ZNF519: variants seen among roughly 807,000 people sequenced by gnomAD.
ZNF519 encodes similar to Zinc finger protein 85 (Zinc finger protein HPF4) (HTF1).
Under a neutral mutation model 7.4 loss-of-function variants are expected in ZNF519, and 7 were observed. The ratio of observed to expected loss-of-function variants is 0.94; its 90% CI spans 0.54 to 1.77. ZNF519 has a LOEUF of 1.77. Ranked by LOEUF, ZNF519 falls within the 40% of genes most tolerant of loss-of-function variation. ZNF519 has a pLI of 0.00. For synonymous variants in ZNF519, 179 were observed against 203.3 expected, an observed-to-expected ratio of 0.88 and a Z score of 1.02; for missense variants, 586 against 623.1, an observed-to-expected ratio of 0.94 and a Z score of 0.63.
intron 3 of ZNF519, chr18:14,082,961 C>G (rs1277427286): frequency 6.6e-6 from 1 of 152,440 alleles, no homozygotes; most frequent in Non-Finnish European, 1.5e-5. Context: ...CTGGGAGCCA[C>G]TGTGCCTGCC....
In ZNF519 at chr18:14,105,220, G is replaced by C. The variant is rs879120977; in HGVS notation, c.1320C>G (p.Ala440=). 1 of 1,566,096 alleles carries C rather than the reference G, an allele frequency of 6.4e-7. No homozygotes were observed. ...KHFKCKECGK[A]FNRGSHLTRH... Reference sequence around the variant, plus strand: ...GAGTAAGGTGTGAGCCCCTGTTAAAGGCTTTGCCACATTCTTTACATTTGA... The same window carrying C: ...GAGTAAGGTGTGAGCCCCTGTTAAACGCTTTGCCACATTCTTTACATTTGA... The change falls in exon 3 of 3, where the codon GCC becomes GCG. Residue 440 remains alanine, a synonymous_variant. Transcript: ENST00000590202.
rs902159642 is a variant in ZNF519 at position 14,102,360 on chromosome 18, G to C, written c.*2557C>G. 2.0e-5 allele frequency: 3 copies of C among 152,030 alleles called. No individual in the cohort carries two copies. Among genetic ancestry groups the C allele is most frequent in the South Asian group, 2.1e-4 (1 of 4,816 alleles). The allele number at this position is 152,030 out of a possible 1,614,324, so 9.4% of individuals were successfully genotyped here. ...TTTTTTGTATTTTTGGTAGAGAGAG[G>C]GTTTTACTAAGTTGGCTAGGCTAGT... On this transcript the variant is annotated 3_prime_UTR_variant, in exon 3 of 3. Coordinates refer to ENST00000590202, the MANE Select transcript of ZNF519 (RefSeq NM_145287.4).
At chr18:14,087,104 G>A (rs2046093961) in intron 2 of ZNF519, among the ~76,000 whole-genome samples, 1 of 152,130 alleles carries the variant, frequency 6.6e-6, no homozygotes, top group South Asian at 2.1e-4. Flanking sequence ...CAATAAAGGT[G>A]ATACATCAGA....
chr18:14,119,716 A>C (rs2046261528), intron 2 of ZNF519, among the ~76,000 whole-genome samples: 1 of 152,166 alleles, frequency 6.6e-6, no homozygotes, highest in Admixed American at 6.5e-5. Flanking sequence ...TCAGCCTCTG[A>C]AAGCACTGAG....
chr18:14,112,362 A>C (rs1212018835), intron 2 of ZNF519, among the ~76,000 whole-genome samples: 3 of 152,158 alleles, frequency 2.0e-5, no homozygotes, highest in African/African-American at 7.2e-5. Flanking sequence ...TATGATACTA[A>C]ATGGGGAAAA....
chr18:14,106,081 GAC>G lies in ZNF519; in HGVS notation c.457_458del (p.Val153LeufsTer3), dbSNP rs770915457. 9 of 1,603,868 alleles carry G rather than the reference GAC, an allele frequency of 5.6e-6. No homozygotes were observed. The highest frequency in any genetic ancestry group is 3.4e-5 in the Admixed American group (2 of 58,098). ...AATTTATCTGATTTTTATTACAAAA[GAC>G]AGATTTCAAAAATTTATGTTGATAT... is the stretch of plus-strand genomic sequence containing the variant. ...NKYQHKFLKS[V>X]FCNKNQINFN... On this transcript the variant is annotated frameshift_variant, in exon 3 of 3. Coordinates refer to ENST00000590202, the MANE Select transcript of ZNF519 (RefSeq NM_145287.4). LOFTEE classifies it low-confidence loss of function (END_TRUNC).
In ZNF519 at chr18:14,104,735, CG is replaced by C. The variant is rs1427960753; in HGVS notation, c.*181del. 4 of 513,706 alleles carry C rather than the reference CG, an allele frequency of 7.8e-6. No homozygotes were observed. Among genetic ancestry groups the C allele is most frequent in the Non-Finnish European group, 1.3e-5 (4 of 313,746 alleles). 31.8% of individuals were successfully genotyped at this position (513,706 alleles called of 1,614,324 possible). A position where few individuals can be genotyped will look rare whatever the true frequency, so the allele number is the denominator to read the frequency against. ...AAACACACTGATTCAGAGTAATTTA[CG>C]GAAGTGCTAGCACCTTAGTTCTTTC... is the stretch of plus-strand genomic sequence containing the variant. On this transcript the variant is annotated 3_prime_UTR_variant, in exon 3 of 3. Coordinates refer to ENST00000590202, the MANE Select transcript of ZNF519 (RefSeq NM_145287.4).
chr18:14,108,224 G>A (rs1334171832), intron 2 of ZNF519, among the ~76,000 whole-genome samples: 1 of 152,114 alleles, frequency 6.6e-6, no homozygotes, highest in Admixed American at 6.6e-5. Flanking sequence ...ATGGGTCCTT[G>A]GTGAAACTCG....
chr18:14,089,562 T>TAAC (rs745978455), intron 2 of ZNF519, among the ~76,000 whole-genome samples: 255 of 87,054 alleles, frequency 2.9e-3, no homozygotes, highest in Non-Finnish European at 5.1e-3. Context: ...GAAAAAATAA[T>TAAC]GTATGTTAAC....
In ZNF519 at chr18:14,112,199, C is replaced by T. The variant is rs541314586; in HGVS notation, c.131-5790G>A. 3.9e-5 allele frequency among the ~76,000 whole-genome samples: 6 copies of T among 152,186 alleles called. No individual in the cohort carries two copies. In the East Asian group the frequency reaches 1.2e-3, roughly 29 times the overall value. On this transcript the variant is annotated intron_variant, in intron 2 of 2. Coordinates refer to ENST00000590202, the MANE Select transcript of ZNF519 (RefSeq NM_145287.4). ...CATATGCAAATCAATTAATGTAATACATCATATCAACAAAAGAAAGAACAA... is the reference window on the plus strand; with the variant it reads ...CATATGCAAATCAATTAATGTAATATATCATATCAACAAAAGAAAGAACAA...
chr18:14,110,082 A>G (rs1200184481), intron 2 of ZNF519, among the ~76,000 whole-genome samples: 3 of 152,072 alleles, frequency 2.0e-5, no homozygotes, highest in East Asian at 3.8e-4. Context: ...CATACAAATA[A>G]ACAAATTGAG....
intron 1 of ZNF519, among the ~76,000 whole-genome samples, chr18:14,126,421 A>T (rs1010935078): frequency 1.1e-4 from 17 of 152,330 alleles, no homozygotes; most frequent in African/African-American, 3.6e-4. Flanking sequence ...AAATAATACA[A>T]ATAATAACTT....
chr18:14,122,636 A>G (rs2046275229), intron 2 of ZNF519: 1 of 152,100 alleles, frequency 6.6e-6, no homozygotes, highest in Non-Finnish European at 1.5e-5. Flanking sequence ...AGAAAATTTA[A>G]GAGCATGAGA....
At chr18:14,089,158 G>A (rs1287498408) in intron 2 of ZNF519, among the ~76,000 whole-genome samples, 1 of 152,086 alleles carries the variant, frequency 6.6e-6, no homozygotes, top group East Asian at 1.9e-4. Flanking sequence ...AAATGACTAG[G>A]TAATATATGT....
intron 2 of ZNF519, among the ~76,000 whole-genome samples, chr18:14,107,162 A>C (rs544209677): frequency 1.0e-3 from 153 of 152,284 alleles, no homozygotes; most frequent in African/African-American, 3.6e-3. Context: ...CTCCAAACTA[A>C]GGCTGCACGG....
intron 2 of ZNF519, among the ~76,000 whole-genome samples, chr18:14,118,402 T>C (rs543693843): frequency 1.5e-4 from 23 of 152,322 alleles, no homozygotes; most frequent in African/African-American, 5.3e-4. Flanking sequence ...TCTTGTCAGA[T>C]GCTACAATAA....
chr18:14,107,896 T>C (rs1598516857), intron 2 of ZNF519, among the ~76,000 whole-genome samples: 1 of 152,148 alleles, frequency 6.6e-6, no homozygotes, highest in African/African-American at 2.4e-5. Flanking sequence ...GTTTAATTGC[T>C]AGCTCTACCA....
intron 2 of ZNF519, among the ~76,000 whole-genome samples, chr18:14,107,539 G>C (rs1387466627): frequency 6.6e-6 from 1 of 152,150 alleles, no homozygotes; most frequent in East Asian, 1.9e-4. Flanking sequence ...TCACTGAAAA[G>C]GGTAGAGGAA....
At chr18:14,123,548 G>A (rs2046280288) in intron 2 of ZNF519, among the ~76,000 whole-genome samples, 1 of 151,956 alleles carries the variant, frequency 6.6e-6, no homozygotes, top group African/African-American at 2.4e-5. Context: ...GCAAAACCCT[G>A]TCTCTACTAA....
Sources: allele counts gnomAD v4.1 joint callset (sites outside exome capture counted in the v4.1 genomes callset), GRCh38; gene constraint gnomAD v4.1.1; transcripts MANE v1.5; gene names NCBI Gene and HGNC (gene_info 2026-07-23, HGNC 2026-07-21).